The following LIPE variants were observed in gnomAD, a reference collection of about 807,000 sequenced individuals.
The protein encoded by LIPE is lipase E, hormone sensitive type, also known as hormone-sensitive lipase.
LIPE carries 66 observed loss-of-function variants against 88.5 expected under a neutral mutation model. The ratio of observed to expected loss-of-function variants is 0.75; its 90% CI spans 0.61 to 0.91. The LOEUF is 0.91. LIPE is among the 40% of genes least tolerant of loss of function. The pLI is 0.00. For synonymous variants in LIPE, 570 were observed against 617.5 expected (o/e 0.92, Z 1.14); for missense variants, 1,346 against 1,434.7 (o/e 0.94, Z 1.00).
At chr19:42,402,144 G>C (rs1186266566) in intron 9 of LIPE, 69 bp from the exon 10 acceptor site, 58 of 1,378,450 alleles carry the variant, frequency 4.2e-5, no homozygotes, top group Non-Finnish European at 5.4e-5. Context: ...GGTAGAGCGA[G>C]GAGGGGTTTG....
intron 1 of LIPE, among the ~76,000 whole-genome samples, chr19:42,411,821 T>C (rs938203157): frequency 6.6e-6 from 1 of 152,218 alleles, no homozygotes; most frequent in Non-Finnish European, 1.5e-5. Context: ...ACCTTGAGCA[T>C]ATCCGTGCAG....
intron 1 of LIPE, among the ~76,000 whole-genome samples, chr19:42,415,241 A>G (rs34097578): frequency 0.033 from 5,030 of 152,254 alleles, 250 homozygotes; most frequent in African/African-American, 0.11. Flanking sequence ...CAAATAAATG[A>G]AATGAGATGA....
chr19:42,404,244 T>G lies in LIPE; in HGVS notation c.2542+1141A>C, dbSNP rs575154575. 4.0e-5 allele frequency among the ~76,000 whole-genome samples: 6 copies of G among 151,430 alleles called. No individual in the cohort carries two copies. The South Asian group carries it at 1.0e-3, about 26-fold the overall frequency. ...TGTCCAGCTACTTTTTGTATTTTTT[T>G]TTTTTTTGAGACAGTCTCACTCTGT... On this transcript the variant is annotated intron_variant, in intron 8 of 9. Transcript: ENST00000244289.
At chr19:42,418,511 A>G (rs1159377093) in intron 1 of LIPE, among the ~76,000 whole-genome samples, 1 of 152,166 alleles carries the variant, frequency 6.6e-6, no homozygotes, top group African/African-American at 2.4e-5. Context: ...GAAGGCTCAG[A>G]TGATCATTAG....
chr19:42,405,708 G>A (rs1026858388), intron 7 of LIPE, 147 bp from the exon 8 acceptor site: 23 of 747,050 alleles, frequency 3.1e-5, no homozygotes, highest in Non-Finnish European at 3.8e-5. Flanking sequence ...AGTGGCTCAC[G>A]CCTGTAGTCC....
Position 42,410,569 on chromosome 19 carries a change from T to C in LIPE, c.1157A>G (p.His386Arg). The change falls in exon 2 of 10, where the codon CAC becomes CGC. Residue 386 changes from histidine to arginine, a missense_variant. Coordinates refer to ENST00000244289, the MANE Select transcript of LIPE (RefSeq NM_005357.4). This position sits in a 1 kb window ranked among gnomAD's most constrained non-coding sequence, Gnocchi z 6.1. ...LVHTARCCLA[H>R]LLHKSRYVAS... Reference sequence around the variant, plus strand: ...CACATAGCGGGATTTGTGCAGGAGGTGCGCCAGGCAGCAGCGGGCTGTGTG... The same window carrying C: ...CACATAGCGGGATTTGTGCAGGAGGCGCGCCAGGCAGCAGCGGGCTGTGTG... The C allele has an allele frequency of 6.2e-7, 1 of 1,612,664 alleles. No homozygotes were observed. Among genetic ancestry groups the C allele is most frequent in the East Asian group, 2.2e-5 (1 of 44,860 alleles).
At chr19:42,404,722 T>A (rs1262891558) in intron 8 of LIPE, among the ~76,000 whole-genome samples, 1 of 152,212 alleles carries the variant, frequency 6.6e-6, no homozygotes, top group Non-Finnish European at 1.5e-5. Flanking sequence ...AATAACTACT[T>A]AAGTACTTTG....
chr19:42,416,607 C>CG (rs1600137414), intron 1 of LIPE, among the ~76,000 whole-genome samples: 1 of 152,174 alleles, frequency 6.6e-6, no homozygotes, highest in Admixed American at 6.5e-5. Flanking sequence ...CAGTTGAAGC[C>CG]GGTGTTCATT....
intron 1 of LIPE, chr19:42,425,083 C>T (rs1367819639): frequency 2.0e-5 from 4 of 200,902 alleles, no homozygotes; most frequent in African/African-American, 2.4e-5. Context: ...TGGACTGAGT[C>T]CCCTATGGAG....
intron 1 of LIPE, chr19:42,423,039 T>C (rs1280829651): frequency 4.3e-6 from 1 of 231,570 alleles, no homozygotes; most frequent in Non-Finnish European, 8.9e-6. Context: ...CCTTCCCCCT[T>C]ATCCTCTCAA....
rs2040201774 is a variant in LIPE, at chr19:42,406,890, A to G, written c.2137+284T>C. Among the ~76,000 whole-genome samples the G allele has an allele frequency of 6.6e-6, 1 of 152,096 alleles. No homozygotes were observed. Among genetic ancestry groups the G allele is most frequent in the Non-Finnish European group, 1.5e-5 (1 of 67,998 alleles). On this transcript the variant is annotated intron_variant, in intron 6 of 9. Coordinates refer to ENST00000244289, the MANE Select transcript of LIPE (RefSeq NM_005357.4). The surrounding 1 kb of genome is among the most constrained non-coding windows in gnomAD (Gnocchi z 5.7). ...CTGTGGGCCAGGAGGCTGGTAGGAC[A>G]GGAGAGCAGGGCCTGGAGCTATCAG... is the stretch of plus-strand genomic sequence containing the variant.
At chr19:42,423,819 G>A in intron 1 of LIPE, 1 of 1,119,082 alleles carries the variant, frequency 8.9e-7, no homozygotes, top group Non-Finnish European at 1.1e-6. Flanking sequence ...CTTCGGGCAG[G>A]ACTAGTGCGG....
Position 42,403,017 on chromosome 19 carries a change from T to C in LIPE, c.2557A>G (p.Ser853Gly). Residue 853 changes from serine (S) to glycine (G), a missense_variant, in exon 9 of 10, where the codon AGT becomes GGT. Physicochemically the swap from Ser to Gly is moderately conservative, Grantham distance 56. Coordinates refer to ENST00000244289, the MANE Select transcript of LIPE (RefSeq NM_005357.4). ...SEPIAEPMRR[S>G]VSEAALAQPQ... ...TGGGCCAGTGCTGCTTCAGACACAC[T>C]GCGGCGCATCGGCTCTGAGAGAGGG... is the stretch of plus-strand genomic sequence containing the variant. 2 of 1,568,030 alleles carry C rather than the reference T, an allele frequency of 1.3e-6. No individual in the cohort carries two copies. Among genetic ancestry groups the C allele is most frequent in the East Asian group, 2.3e-5 (1 of 44,134 alleles).
chr19:42,402,220 G>T, intron 9 of LIPE, 145 bp from the exon 10 acceptor site: 1 of 765,184 alleles, frequency 1.3e-6, no homozygotes, highest in Non-Finnish European at 1.9e-6. Context: ...CATGGTGGGT[G>T]AGGAGTTGGG....
At position 42,426,473 on chromosome 19, in the gene LIPE, G is replaced by A. The variant is rs1390930578; in HGVS notation, c.677C>T (p.Ser226Phe). Residue 226 changes from serine to phenylalanine, a missense_variant, in exon 1 of 10, where the codon TCT (serine) becomes TTT (phenylalanine). By Grantham distance (155) the Ser-to-Phe change is radical (BLOSUM62 -2). Coordinates refer to ENST00000244289, the MANE Select transcript of LIPE (RefSeq NM_005357.4). ...TGACTCAGAATCTGTGACCCACTCA[G>A]AAAGTGCCTTCCACTCTAGGGCTGA... ...QRSALEWKAL[S>F]EWVTDSESES... The A allele has an allele frequency of 2.5e-6, 4 of 1,614,140 alleles. No individual in the cohort carries two copies. The highest frequency in any genetic ancestry group is 2.5e-6 in the Non-Finnish European group (3 of 1,179,992).
chr19:42,407,427 T>G lies in LIPE; in HGVS notation c.1884A>C (p.Gln628His). Residue 628 changes from glutamine to histidine, a missense_variant, in exon 6 of 10, where the codon CAA (glutamine) becomes CAC (histidine). Coordinates refer to ENST00000244289, the MANE Select transcript of LIPE (RefSeq NM_005357.4). The surrounding 1 kb of genome is among the most constrained non-coding windows in gnomAD (Gnocchi z 5.8). ...ELSSLIKSNG[Q>H]RSLELWPRPQ... is the part of the protein sequence containing the mutation. ...GGCGCGGCCACAGCTCCAGGCTCCG[T>G]TGGCCGTTGGACTTTATCAGGCTGC... is the stretch of plus-strand genomic sequence containing the variant. The G allele has an allele frequency of 6.2e-7, 1 of 1,613,540 alleles. No individual in the cohort carries two copies. The highest frequency in any genetic ancestry group is 8.5e-7 in the Non-Finnish European group (1 of 1,179,734).
chr19:42,414,834 G>A lies in LIPE; in HGVS notation c.884-3992C>T, dbSNP rs532096021. ...TGGGGGCACCACCAACCATGTCCAC[G>A]TAAGAGGGCGAACTTTACCGATTAA... On this transcript the variant is annotated intron_variant, in intron 1 of 9. Coordinates refer to ENST00000244289, the MANE Select transcript of LIPE (RefSeq NM_005357.4). The surrounding 1 kb of genome is among the most constrained non-coding windows in gnomAD (Gnocchi z 4.6). Among the ~76,000 whole-genome samples, 25 of 152,346 alleles carry A rather than the reference G, an allele frequency of 1.6e-4. No homozygotes were observed. The highest frequency in any genetic ancestry group is 7.3e-5 in the Non-Finnish European group (5 of 68,036).
Position 42,410,690 on chromosome 19 carries a change from GCGC to G in LIPE, c.1033_1035del (p.Ala345del). 1 of 1,612,998 alleles carries G rather than the reference GCGC, an allele frequency of 6.2e-7. No individual in the cohort carries two copies. Among genetic ancestry groups the G allele is most frequent in the Non-Finnish European group, 8.5e-7 (1 of 1,179,286 alleles). ...CGGCCCAGGGCCGGCTCCAGCCCCAGCGCCTGCTCCCGTACACCGGCAAAAACG... is the reference window on the plus strand; with the variant it reads ...CGGCCCAGGGCCGGCTCCAGCCCCAGCTGCTCCCGTACACCGGCAAAAACG... On this transcript the variant is annotated inframe_deletion, in exon 2 of 10. Coordinates refer to ENST00000244289, the MANE Select transcript of LIPE (RefSeq NM_005357.4). This position sits in a 1 kb window ranked among gnomAD's most constrained non-coding sequence, Gnocchi z 6.1.
At chr19:42,423,671 C>A (rs981083859) in intron 1 of LIPE, 1 of 1,153,934 alleles carries the variant, frequency 8.7e-7, no homozygotes, top group Non-Finnish European at 1.1e-6. Context: ...GGTCCAGCTC[C>A]CTAACCAATT....
Sources: gnomAD v4.1 joint callset for allele counts (sites outside exome capture counted in the v4.1 genomes callset) on GRCh38, gnomAD v4.1.1 for gene constraint, Gnocchi (gnomAD v3.1) non-coding constraint, MANE v1.5 for transcripts, NCBI Gene and HGNC (gene_info 2026-07-23, HGNC 2026-07-21) for gene names.